The following MOXD1 variants were observed in gnomAD, a reference collection of about 807,000 sequenced individuals.
MOXD1 encodes monooxygenase DBH like 1, also known as DBH-like monooxygenase protein 1.
In MOXD1, 62 loss-of-function variants were observed where a neutral mutation model predicts 66.6. The observed-to-expected ratio is 0.93, with a 90% CI of 0.76 to 1.15. The LOEUF (loss-of-function observed/expected upper bound fraction) is 1.15, where lower values mean the gene tolerates loss of function less well. Among genes scored for constraint, MOXD1 ranks in the 50% most tolerant of loss-of-function variants. The pLI is 0.00. For synonymous variants in MOXD1, 303 were observed against 281.9 expected (o/e 1.07, Z -0.75); for missense variants, 847 against 754.6 (o/e 1.12, Z -1.44).
intron 4 of MOXD1, among the ~76,000 whole-genome samples, chr6:132,370,969 A>C (rs1776252067): frequency 6.6e-6 from 1 of 152,144 alleles, no homozygotes; most frequent in Admixed American, 6.6e-5. Flanking sequence ...AAACATACAT[A>C]ATTATTTTAT....
At chr6:132,310,294 G>A (rs1774799651) in intron 10 of MOXD1, among the ~76,000 whole-genome samples, 1 of 152,162 alleles carries the variant, frequency 6.6e-6, no homozygotes, top group South Asian at 2.1e-4. Flanking sequence ...ACCACAAAGA[G>A]ATACCATCTC....
intron 4 of MOXD1, among the ~76,000 whole-genome samples, chr6:132,337,996 A>T (rs147850064): frequency 6.6e-6 from 1 of 152,324 alleles, no homozygotes; most frequent in African/African-American, 2.4e-5. Context: ...GGGACATGCC[A>T]TAAGTAAGTC....
At position 132,349,416 on chromosome 6, in the gene MOXD1, T is replaced by TAC. The variant is rs1249865893; in HGVS notation, c.664-20823_664-20822insGT. On this transcript the variant is annotated intron_variant, in intron 4 of 11. Coordinates refer to ENST00000367963, the MANE Select transcript of MOXD1 (RefSeq NM_015529.4). ...ATACACATATATATACATATATATA[T>TAC]ATATACATATATATATATACATATA... Among the ~76,000 whole-genome samples the TAC allele has an allele frequency of 1.2e-4, 10 of 82,816 alleles. 1 individual carries two copies. The highest frequency in any genetic ancestry group is 7.2e-4 in the African/African-American group (9 of 12,482). 54.3% of individuals were successfully genotyped at this position (82,816 alleles called of 152,430 possible). A position where few individuals can be genotyped will look rare whatever the true frequency, so the allele number is the denominator to read the frequency against.
intron 4 of MOXD1, among the ~76,000 whole-genome samples, chr6:132,361,115 G>A (rs1188402035): frequency 1.3e-5 from 2 of 152,146 alleles, no homozygotes; most frequent in Non-Finnish European, 2.9e-5. Context: ...AAGTCAGTGA[G>A]GTGGTTTTCA....
intron 10 of MOXD1, among the ~76,000 whole-genome samples, chr6:132,298,952 C>T (rs1320278641): frequency 6.6e-6 from 1 of 152,018 alleles, no homozygotes; most frequent in Non-Finnish European, 1.5e-5. Context: ...AATAGTTCTA[C>T]CAAAAAGACC....
Position 132,328,598 on chromosome 6 carries a change from C to T in MOXD1, c.664-4G>A. 2 of 1,612,880 alleles carry T rather than the reference C, an allele frequency of 1.2e-6. No individual in the cohort carries two copies. The highest frequency in any genetic ancestry group is 1.7e-4 in the Middle Eastern group (1 of 6,052). On this transcript the variant is annotated splice_region_variant and splice_polypyrimidine_tract_variant and intron_variant, in intron 4 of 11. Transcript: ENST00000367963. ...CTCTCTGTATCACTGGCTCAACCTACACGAACATAAATGAGAGGGAGGACA... is the reference window on the plus strand; with the variant it reads ...CTCTCTGTATCACTGGCTCAACCTATACGAACATAAATGAGAGGGAGGACA...
At chr6:132,375,575 A>AC (rs1776363047) in intron 1 of MOXD1, among the ~76,000 whole-genome samples, 1 of 152,078 alleles carries the variant, frequency 6.6e-6, no homozygotes, top group Non-Finnish European at 1.5e-5. Context: ...ACAGGTGCCC[A>AC]CCGCCACGCC....
Position 132,374,752 on chromosome 6 carries a change from T to C in MOXD1, c.290A>G (p.Glu97Gly), listed in dbSNP as rs756917320. The C allele has an allele frequency of 2.3e-5, 37 of 1,613,680 alleles. No homozygotes were observed. Among genetic ancestry groups the C allele is most frequent in the Non-Finnish European group, 2.6e-5 (31 of 1,179,788 alleles). ...LQDYFTNANR[E>G]LKKDAQQDYH... is the part of the protein sequence containing the mutation. ...ATCTTGCTGAGCATCTTTTTTCAACTCTCTATTTGCATTTGTAAAATAATC... is the reference window on the plus strand; with the variant it reads ...ATCTTGCTGAGCATCTTTTTTCAACCCTCTATTTGCATTTGTAAAATAATC... Residue 97 changes from glutamate (E) to glycine (G), a missense_variant, in exon 2 of 12, where the codon GAG becomes GGG. By Grantham distance (98) the Glu-to-Gly change is moderately conservative. Transcript: ENST00000367963.
chr6:132,337,058 C>A (rs889298670), intron 4 of MOXD1, among the ~76,000 whole-genome samples: 17 of 152,128 alleles, frequency 1.1e-4, no homozygotes, highest in Non-Finnish European at 2.1e-4. Context: ...CAGAGAGGTA[C>A]CAGAGACAAG....
chr6:132,382,812 G>A (rs141332492), intron 1 of MOXD1, among the ~76,000 whole-genome samples: 107 of 152,260 alleles, frequency 7.0e-4, no homozygotes, highest in African/African-American at 2.4e-3. Flanking sequence ...AGTACTTGCT[G>A]TCACTTTCAA....
At chr6:132,364,429 A>C (rs1162311797) in intron 4 of MOXD1, among the ~76,000 whole-genome samples, 2 of 152,166 alleles carry the variant, frequency 1.3e-5, no homozygotes, top group East Asian at 3.8e-4. Context: ...ATTATGCAAC[A>C]GGTGTTTTCA....
intron 4 of MOXD1, among the ~76,000 whole-genome samples, chr6:132,355,726 C>A (rs1388881198): frequency 6.6e-6 from 1 of 152,150 alleles, no homozygotes; most frequent in African/African-American, 2.4e-5. Flanking sequence ...TGGTTACATA[C>A]CTGTTTGTAG....
chr6:132,357,482 A>T (rs56955954), intron 4 of MOXD1, among the ~76,000 whole-genome samples: 7,029 of 152,188 alleles, frequency 0.046, 515 homozygotes, highest in African/African-American at 0.15. Flanking sequence ...ACTTTATCTT[A>T]AAAGGAAGTA....
rs1028020400 is a variant in MOXD1 at position 132,400,867 on chromosome 6, T to C, written c.264+296A>G. Reference sequence around the variant, plus strand: ...CCCATCAGGGATGAAGCGGGGTGTATTGCAGGTGTGTAGGCGGGGGGGCGT... The same window carrying C: ...CCCATCAGGGATGAAGCGGGGTGTACTGCAGGTGTGTAGGCGGGGGGGCGT... On this transcript the variant is annotated intron_variant, in intron 1 of 11. Transcript: ENST00000367963. Among the ~76,000 whole-genome samples, 7 of 152,168 alleles carry C rather than the reference T, an allele frequency of 4.6e-5. 1 individual carries two copies. The highest frequency in any genetic ancestry group is 3.9e-4 in the Admixed American group (6 of 15,286).
At position 132,349,572 on chromosome 6, in the gene MOXD1, G is replaced by A. The variant is rs1329448378; in HGVS notation, c.664-20978C>T. On this transcript the variant is annotated intron_variant, in intron 4 of 11. Transcript: ENST00000367963. ...TGATTTTGCAATTGCGAAATGTGCCGCTATAAACATTCGTGGGCAAGTATC... is the reference window on the plus strand; with the variant it reads ...TGATTTTGCAATTGCGAAATGTGCCACTATAAACATTCGTGGGCAAGTATC... 6.1e-5 allele frequency among the ~76,000 whole-genome samples: 9 copies of A among 147,032 alleles called. No individual in the cohort carries two copies. The South Asian group carries it at 6.4e-4, about 10-fold the overall frequency.
At chr6:132,313,283 C>T (rs374094007) in intron 10 of MOXD1, among the ~76,000 whole-genome samples, 6 of 152,108 alleles carry the variant, frequency 3.9e-5, no homozygotes, top group Non-Finnish European at 2.9e-5. Flanking sequence ...TCTTGCTCTA[C>T]CTGTTGGAAT....
At chr6:132,388,382 C>T (rs1338271087) in intron 1 of MOXD1, among the ~76,000 whole-genome samples, 1 of 151,442 alleles carries the variant, frequency 6.6e-6, no homozygotes, top group Non-Finnish European at 1.5e-5. Flanking sequence ...ATTCACACCC[C>T]GTCTAGAAGA....
chr6:132,370,870 T>A (rs1438234903), intron 4 of MOXD1, among the ~76,000 whole-genome samples: 1 of 152,152 alleles, frequency 6.6e-6, no homozygotes, highest in East Asian at 1.9e-4. Context: ...TATCATTTAA[T>A]ATGCTTCATA....
chr6:132,394,709 G>C (rs891289481), intron 1 of MOXD1, among the ~76,000 whole-genome samples: 3 of 152,030 alleles, frequency 2.0e-5, no homozygotes, highest in Admixed American at 6.5e-5. Context: ...CAACAGACTA[G>C]ATGAAGCAAA....
Sources: allele counts gnomAD v4.1 joint callset (sites outside exome capture counted in the v4.1 genomes callset), GRCh38; gene constraint gnomAD v4.1.1; transcripts MANE v1.5; gene names NCBI Gene and HGNC (gene_info 2026-07-23, HGNC 2026-07-21).